The following CACNA2D3 variants were observed in gnomAD, a reference collection of about 807,000 sequenced individuals.
The protein encoded by CACNA2D3 is voltage-dependent calcium channel subunit alpha-2/delta-3.
Under a neutral mutation model 160.6 loss-of-function variants are expected in CACNA2D3, and 60 were observed. The observed-to-expected ratio is 0.37, with a 90% CI of 0.30 to 0.46. The LOEUF (loss-of-function observed/expected upper bound fraction) is 0.46, where lower values mean the gene tolerates loss of function less well. CACNA2D3 is among the 20% of genes least tolerant of loss of function. The pLI, the probability that CACNA2D3 is intolerant of heterozygous loss-of-function variation, is 1.00. For synonymous variants in CACNA2D3, 558 were observed against 492.9 expected (o/e 1.13, Z -1.75); for missense variants, 1,205 against 1,365.0 (o/e 0.88, Z 1.85).
intron 3 of CACNA2D3, among the ~76,000 whole-genome samples, chr3:54,324,735 T>A (rs749844632): frequency 2.6e-5 from 4 of 152,162 alleles, no homozygotes. Flanking sequence ...TTGTCAAGTT[T>A]TAAGTCCCTA....
At chr3:54,931,148 G>T (rs1701178953) in intron 27 of CACNA2D3, among the ~76,000 whole-genome samples, 1 of 152,148 alleles carries the variant, frequency 6.6e-6, no homozygotes, top group African/African-American at 2.4e-5. Flanking sequence ...TGGATTTACA[G>T]ACTTCAAAGA....
intron 11 of CACNA2D3, among the ~76,000 whole-genome samples, chr3:54,697,250 C>G (rs1700681746): frequency 6.6e-6 from 1 of 152,140 alleles, no homozygotes. Context: ...TGTACTCCAA[C>G]CTGGATGACA....
chr3:54,469,914 A>C (rs1040176529), intron 4 of CACNA2D3, among the ~76,000 whole-genome samples: 5 of 152,214 alleles, frequency 3.3e-5, no homozygotes, highest in Middle Eastern at 3.2e-3. Flanking sequence ...AAAGCCTCCA[A>C]GAAATATGGG....
chr3:54,751,125 C>T (rs1035658573), intron 11 of CACNA2D3, among the ~76,000 whole-genome samples: 9 of 151,906 alleles, frequency 5.9e-5, no homozygotes, highest in African/African-American at 1.9e-4. Context: ...ATTTAAAAAA[C>T]AAAACAAAAC....
intron 27 of CACNA2D3, among the ~76,000 whole-genome samples, chr3:54,923,531 T>C (rs1328110908): frequency 6.6e-6 from 1 of 152,226 alleles, no homozygotes; most frequent in African/African-American, 2.4e-5. Context: ...TAGCACTAAC[T>C]GCTATTCTAA....
At chr3:54,772,911 T>C (rs192519329) in intron 13 of CACNA2D3, among the ~76,000 whole-genome samples, 1 of 152,330 alleles carries the variant, frequency 6.6e-6, no homozygotes, top group East Asian at 1.9e-4. Flanking sequence ...AGCATCAGCA[T>C]TCCTGATCAG....
intron 35 of CACNA2D3, among the ~76,000 whole-genome samples, chr3:55,072,830 G>T (rs1297434411): frequency 6.6e-6 from 1 of 152,218 alleles, no homozygotes; most frequent in Non-Finnish European, 1.5e-5. Flanking sequence ...GGATCAGAAG[G>T]TCAGAGCAGA....
At chr3:54,292,723 G>T (rs775561420) in intron 2 of CACNA2D3, among the ~76,000 whole-genome samples, 7 of 152,148 alleles carry the variant, frequency 4.6e-5, no homozygotes, top group African/African-American at 7.2e-5. Context: ...ATATGTTGTT[G>T]GTGTGAATGT....
intron 3 of CACNA2D3, among the ~76,000 whole-genome samples, chr3:54,379,408 G>C (rs534789392): frequency 1.3e-5 from 2 of 152,274 alleles, no homozygotes; most frequent in South Asian, 4.1e-4. Flanking sequence ...ATTTCTATTG[G>C]AATCGAAAAG....
chr3:54,806,262 T>G (rs1324274154), intron 13 of CACNA2D3, among the ~76,000 whole-genome samples: 1 of 152,112 alleles, frequency 6.6e-6, no homozygotes, highest in Non-Finnish European at 1.5e-5. Context: ...GAAGTCAAAT[T>G]GTCCCTGTTT....
intron 10 of CACNA2D3, among the ~76,000 whole-genome samples, chr3:54,628,505 T>C (rs546006010): frequency 4.5e-4 from 69 of 152,330 alleles, no homozygotes; most frequent in African/African-American, 1.6e-3. Flanking sequence ...GGCAGAGAAC[T>C]ACATGGTCTT....
intron 3 of CACNA2D3, among the ~76,000 whole-genome samples, chr3:54,331,998 G>A (rs549674592): frequency 3.9e-5 from 6 of 152,164 alleles, no homozygotes; most frequent in Admixed American, 6.5e-5. Context: ...TATTGGTCAC[G>A]TGGAGAAGGG....
intron 17 of CACNA2D3, among the ~76,000 whole-genome samples, chr3:54,849,261 A>C (rs566311992): frequency 2.2e-4 from 33 of 152,284 alleles, no homozygotes; most frequent in African/African-American, 7.5e-4. Context: ...TAAGAATAAT[A>C]CTAGCAGCCA....
chr3:54,847,006 A>G (rs1317228553), intron 17 of CACNA2D3, among the ~76,000 whole-genome samples: 1 of 152,242 alleles, frequency 6.6e-6, no homozygotes, highest in Non-Finnish European at 1.5e-5. Context: ...TTTCCTGCCT[A>G]TGTCATATCC....
At chr3:54,471,811 T>C (rs1002084106) in intron 4 of CACNA2D3, among the ~76,000 whole-genome samples, 1 of 152,072 alleles carries the variant, frequency 6.6e-6, no homozygotes, top group Non-Finnish European at 1.5e-5. Context: ...AAGAAATGCA[T>C]AAACTCCTGG....
At chr3:54,652,402 A>G (rs1347465347) in intron 11 of CACNA2D3, among the ~76,000 whole-genome samples, 2 of 152,244 alleles carry the variant, frequency 1.3e-5, no homozygotes, top group Non-Finnish European at 2.9e-5. Context: ...ACAGGTAACC[A>G]GCAAATGAAA....
At chr3:54,754,173 AAGG>A (rs1701926780) in intron 12 of CACNA2D3, among the ~76,000 whole-genome samples, 2 of 152,174 alleles carry the variant, frequency 1.3e-5, no homozygotes, top group African/African-American at 4.8e-5. Flanking sequence ...CAGCACTGGG[AAGG>A]AAGTAATAGG....
At chr3:54,812,628 T>G (rs1703348337) in intron 13 of CACNA2D3, among the ~76,000 whole-genome samples, 1 of 152,182 alleles carries the variant, frequency 6.6e-6, no homozygotes, top group South Asian at 2.1e-4. Context: ...CATCCCTGCT[T>G]TCTCTTCTGG....
chr3:55,071,004 C>CT (rs1425537128), intron 35 of CACNA2D3, among the ~76,000 whole-genome samples: 2 of 151,984 alleles, frequency 1.3e-5, no homozygotes, highest in African/African-American at 4.8e-5. Flanking sequence ...TCAGAAATCC[C>CT]TTTTGTTATT....
Sources: allele counts gnomAD v4.1 joint callset (sites outside exome capture counted in the v4.1 genomes callset), GRCh38; gene constraint gnomAD v4.1.1; transcripts MANE v1.5; gene names NCBI Gene and HGNC (gene_info 2026-07-23, HGNC 2026-07-21).